The following NUCB2 variants were observed in gnomAD, a reference collection of about 807,000 sequenced individuals.
NUCB2 encodes nucleobindin 2, also known as nucleobindin-2.
In NUCB2, 48 loss-of-function variants were observed where a neutral mutation model predicts 57.9. The ratio of observed to expected loss-of-function variants is 0.83; its 90% confidence interval spans 0.66 to 1.05. The LOEUF is 1.05. Among genes scored for constraint, NUCB2 ranks in the 50% least tolerant of loss-of-function variants. The pLI is 0.00. For synonymous variants in NUCB2, 139 were observed against 152.1 expected, an observed-to-expected ratio of 0.91 and a Z score of 0.64; for missense variants, 442 against 476.2, an observed-to-expected ratio of 0.93 and a Z score of 0.67.
At chr11:17,346,583 G>C (rs1434448396) in intron 2 of NUCB2, among the ~76,000 whole-genome samples, 1 of 152,190 alleles carries the variant, frequency 6.6e-6, no homozygotes, top group Non-Finnish European at 1.5e-5. Context: ...CACACTGACA[G>C]AGTCCATGAT....
Position 17,329,412 on chromosome 11 carries a change from C to G in NUCB2, c.1003-715C>G, listed in dbSNP as rs564945675. ...ACTGCCTTTCAAGTTTACCTAGGAC[C>G]CCAGAGCACTTCAGCCCGCATGGTG... On this transcript the variant is annotated intron_variant, in intron 11 of 13. Coordinates refer to ENST00000529010, the MANE Select transcript of NUCB2 (RefSeq NM_005013.4). Among the ~76,000 whole-genome samples the G allele has an allele frequency of 3.9e-5, 6 of 152,270 alleles. No homozygotes were observed. The East Asian group carries it at 1.2e-3, about 30-fold the overall frequency.
chr11:17,303,896 A>G (rs1947188849), intron 5 of NUCB2, among the ~76,000 whole-genome samples: 1 of 151,876 alleles, frequency 6.6e-6, no homozygotes, highest in South Asian at 2.1e-4. Flanking sequence ...AAAAAAAAAA[A>G]AAAAAAGAAA....
At chr11:17,346,514 C>T (rs1353613120) in intron 2 of NUCB2, among the ~76,000 whole-genome samples, 2 of 152,158 alleles carry the variant, frequency 1.3e-5, no homozygotes, top group African/African-American at 2.4e-5. Context: ...CCCTACCCTT[C>T]AGTGTTGTAT....
chr11:17,326,236 G>A lies in NUCB2; in HGVS notation c.1003-3891G>A, dbSNP rs1950646262. On this transcript the variant is annotated intron_variant, in intron 11 of 13. Coordinates refer to ENST00000529010, the MANE Select transcript of NUCB2 (RefSeq NM_005013.4). ...GCTGGTCTCGAACTCCCAACCTAAG[G>A]TGATCTGCCTGCCTCAGCCTCCCAA... is the stretch of plus-strand genomic sequence containing the variant. Among the ~76,000 whole-genome samples, 3 of 150,620 alleles carry A rather than the reference G, an allele frequency of 2.0e-5. No individual in the cohort carries two copies. In the South Asian group the frequency reaches 6.3e-4, roughly 32 times the overall value.
At chr11:17,283,515 T>C (rs1943096598) in intron 2 of NUCB2, 1 of 152,254 alleles carries the variant, frequency 6.6e-6, no homozygotes, top group African/African-American at 2.4e-5. Context: ...TAATTTGCCA[T>C]GGCAGAGATA....
In NUCB2 at chr11:17,301,823, T is replaced by C; in HGVS notation, c.332T>C (p.Val111Ala). 1 of 1,613,418 alleles carries C rather than the reference T, an allele frequency of 6.2e-7. No homozygotes were observed. The highest frequency in any genetic ancestry group is 8.5e-7 in the Non-Finnish European group (1 of 1,179,398). ...CTTGATGAACTGAAAAGGCAAGAAGTAGGAAGGTTAAGAATGTTAATTAAA... is the reference window on the plus strand; with the variant it reads ...CTTGATGAACTGAAAAGGCAAGAAGCAGGAAGGTTAAGAATGTTAATTAAA... ...TKLDELKRQEVGRLRMLIKAK... is the reference protein window; with the variant it reads ...TKLDELKRQEAGRLRMLIKAK... Residue 111 changes from valine to alanine, a missense_variant, in exon 5 of 14, where the codon GTA (valine) becomes GCA (alanine). Coordinates refer to ENST00000529010, the MANE Select transcript of NUCB2 (RefSeq NM_005013.4).
intron 2 of NUCB2, among the ~76,000 whole-genome samples, chr11:17,291,558 A>AAAAAAAAAAAAAAAAAAAC: frequency 2.0e-5 from 3 of 151,060 alleles, no homozygotes; most frequent in Non-Finnish European, 4.4e-5. Context: ...AAAAAAAAAA[A>AAAAAAAAAAAAAAAAAAAC]AATCAGTCTT....
In NUCB2 at chr11:17,282,044, A is replaced by G. The variant is rs562304234; in HGVS notation, c.-155-745A>G. On this transcript the variant is annotated intron_variant, in intron 1 of 13. Transcript: ENST00000529010. ...ATTTTTTTAAATTGGTGGTAAGAGT[A>G]AAGAAAAATTCCAGTTAAGGATTTA... 3.3e-5 allele frequency among the ~76,000 whole-genome samples: 5 copies of G among 151,874 alleles called. No individual in the cohort carries two copies. In the East Asian group the frequency reaches 7.7e-4, roughly 23 times the overall value.
chr11:17,336,073 C>A (rs1239086257), downstream of NUCB2, among the ~76,000 whole-genome samples: 1 of 151,924 alleles, frequency 6.6e-6, no homozygotes, highest in Non-Finnish European at 1.5e-5. Flanking sequence ...TTTTTTGTAG[C>A]TGGAATTAAC....
intron 2 of NUCB2, among the ~76,000 whole-genome samples, chr11:17,348,712 C>T (rs1952975183): frequency 6.6e-6 from 1 of 151,810 alleles, no homozygotes. Flanking sequence ...TTGTGCCTGG[C>T]AGAGTTCAAT....
chr11:17,310,811 T>G lies in NUCB2; in HGVS notation c.484-14T>G. On this transcript the variant is annotated splice_polypyrimidine_tract_variant and intron_variant, in intron 6 of 13. Transcript: ENST00000529010. ...AATGTTTTTATTTAACTTAAATGCA[T>G]TATTGCATTTCAGGCAACAAGTGAT... is the stretch of plus-strand genomic sequence containing the variant. 1 of 1,552,908 alleles carries G rather than the reference T, an allele frequency of 6.4e-7. No homozygotes were observed. Among genetic ancestry groups the G allele is most frequent in the Non-Finnish European group, 8.7e-7 (1 of 1,150,758 alleles).
intron 4 of NUCB2, among the ~76,000 whole-genome samples, chr11:17,299,196 G>C (rs772988387): frequency 9.2e-5 from 14 of 152,014 alleles, no homozygotes; most frequent in Non-Finnish European, 1.6e-4. Context: ...ATTCTACTGG[G>C]CTCCTTTATT....
chr11:17,333,185 T>A (rs952064385), downstream of NUCB2: 5 of 152,240 alleles, frequency 3.3e-5, no homozygotes, highest in African/African-American at 1.2e-4. Context: ...CTGAGAGGAA[T>A]TCCTTTACCT....
chr11:17,330,913 G>C lies in NUCB2; in HGVS notation c.1185G>C (p.Gln395His). The C allele has an allele frequency of 6.3e-7, 1 of 1,599,328 alleles. No individual in the cohort carries two copies. Residue 395 changes from glutamine (Q) to histidine (H), a missense_variant, in exon 13 of 14, where the codon CAG (glutamine) becomes CAC (histidine). Transcript: ENST00000529010. The surrounding 1 kb of genome is among the most constrained non-coding windows in gnomAD (Gnocchi z 4.3). ...QKLEYHQVIQ[Q>H]MEQKKLQQGI... The stretch of plus-strand genomic sequence containing the variant: ...TTTCCATTCACCAGGTCATACAGCA[G>C]ATGGAACAAAAAAAATTACAACAAG...
intron 11 of NUCB2, among the ~76,000 whole-genome samples, chr11:17,324,446 T>C (rs906763024): frequency 6.6e-6 from 1 of 152,202 alleles, no homozygotes; most frequent in Non-Finnish European, 1.5e-5. Flanking sequence ...TTGAATTTTT[T>C]TTTTTGAGAC....
At chr11:17,281,032 C>A (rs1376918091) in intron 1 of NUCB2, among the ~76,000 whole-genome samples, 1 of 152,142 alleles carries the variant, frequency 6.6e-6, no homozygotes, top group Admixed American at 6.6e-5. Flanking sequence ...TAGAGTCAGA[C>A]CCTGTCTCAA....
In NUCB2 at chr11:17,331,786, CACTT is replaced by C. The variant is rs767129244; in HGVS notation, c.*371_*374del. The C allele has an allele frequency of 9.2e-5, 17 of 184,018 alleles. No homozygotes were observed. Among genetic ancestry groups the C allele is most frequent in the African/African-American group, 2.3e-4 (10 of 43,000 alleles). The allele number at this position is 184,018 out of a possible 1,614,324, so 11.4% of individuals were successfully genotyped here. ...TCTTGCTTTTAAATTAGATTGCTCTCACTTACTCGTAAACATAGGTATTCTTTTA... is the reference window on the plus strand; with the variant it reads ...TCTTGCTTTTAAATTAGATTGCTCTCACTCGTAAACATAGGTATTCTTTTA... On this transcript the variant is annotated 3_prime_UTR_variant, in exon 14 of 14. Coordinates refer to ENST00000529010, the MANE Select transcript of NUCB2 (RefSeq NM_005013.4).
intron 2 of NUCB2, among the ~76,000 whole-genome samples, chr11:17,344,394 C>T (rs1386192398): frequency 6.6e-6 from 1 of 152,208 alleles, no homozygotes; most frequent in African/African-American, 2.4e-5. Flanking sequence ...TACTTCTTCA[C>T]TACTTTTGCC....
chr11:17,284,603 C>T (rs1943300583), intron 2 of NUCB2, among the ~76,000 whole-genome samples: 1 of 152,142 alleles, frequency 6.6e-6, no homozygotes. Flanking sequence ...GCACAAAGTA[C>T]AGTAGTTCTT....
Sources: gnomAD v4.1 joint callset for allele counts (sites outside exome capture counted in the v4.1 genomes callset) on GRCh38, gnomAD v4.1.1 for gene constraint, Gnocchi (gnomAD v3.1) non-coding constraint, MANE v1.5 for transcripts, NCBI Gene and HGNC (gene_info 2026-07-23, HGNC 2026-07-21) for gene names.